RFX1: variants seen among roughly 807,000 people sequenced by gnomAD.
The protein encoded by RFX1 is MHC class II regulatory factor RFX1.
A neutral mutation model predicts 119.6 loss-of-function variants in RFX1; 42 were observed. The ratio of observed to expected loss-of-function variants is 0.35; its 90% CI spans 0.27 to 0.45. The LOEUF is 0.45. Ranked by LOEUF, RFX1 falls within the 20% of genes least tolerant of loss-of-function variation. The pLI, the probability that RFX1 is intolerant of heterozygous loss-of-function variation, is 1.00. For synonymous variants in RFX1, 628 were observed against 618.5 expected, an observed-to-expected ratio of 1.02 and a Z score of -0.23; for missense variants, 1,118 against 1,368.1, an observed-to-expected ratio of 0.82 and a Z score of 2.88.
chr19:13,991,679 T>G (rs1445274210), intron 2 of RFX1, among the ~76,000 whole-genome samples: 1 of 152,118 alleles, frequency 6.6e-6, no homozygotes, highest in Non-Finnish European at 1.5e-5. Context: ...ACTTTTTTTT[T>G]GAGATGGATT....
In RFX1 at chr19:13,972,997, C is replaced by A. The variant is rs1279035855; in HGVS notation, c.1060G>T (p.Gly354Cys). 1.2e-6 allele frequency: 2 copies of A among 1,600,542 alleles called. No individual in the cohort carries two copies. Among genetic ancestry groups the A allele is most frequent in the African/African-American group, 2.7e-5 (2 of 74,898 alleles). ...PATSQAVASSGSMPMYVSGSQ... is the reference protein window; with the variant it reads ...PATSQAVASSCSMPMYVSGSQ... ...CCGGACACGTACATGGGCATGGAGC[C>A]ACTGCTGGCCACCGCCTGGGAGGTG... The change falls in exon 9 of 21, where the codon GGC becomes TGC. Residue 354 changes from glycine to cysteine, a missense_variant. By Grantham distance (159) the Gly-to-Cys change is radical. Transcript: ENST00000254325.
At chr19:13,996,634 G>C (rs1240795809) in intron 1 of RFX1, among the ~76,000 whole-genome samples, 1 of 151,926 alleles carries the variant, frequency 6.6e-6, no homozygotes, top group Non-Finnish European at 1.5e-5. Context: ...GGTGAGGGGG[G>C]ATTGAACCCA....
Position 13,965,711 on chromosome 19 carries a change from C to T in RFX1, c.2028G>A (p.Val676=), listed in dbSNP as rs1973872688. 2 of 1,613,820 alleles carry T rather than the reference C, an allele frequency of 1.2e-6. No homozygotes were observed. Among genetic ancestry groups the T allele is most frequent in the Non-Finnish European group, 8.5e-7 (1 of 1,180,016 alleles). Residue 676 remains valine (V), a synonymous_variant, in exon 15 of 21, where the codon GTG becomes GTA. Coordinates refer to ENST00000254325, the MANE Select transcript of RFX1 (RefSeq NM_002918.5). The surrounding 1 kb of genome is among the most constrained non-coding windows in gnomAD (Gnocchi z 4.7). ...TGTCACAGTGCTTGGTCCATTGGAG[C>T]ACGGGCTCGAACTTGGAGAGGAGCA... The part of the protein sequence containing the change: ...ILVLLSKFEP[V]LQWTKHCDNV...
rs1251908976 is a variant in RFX1, at chr19:13,961,819, G to A, written c.*876C>T. On this transcript the variant is annotated 3_prime_UTR_variant, in exon 21 of 21. Transcript: ENST00000254325. ...AGAAAACTGGAACAGATAAGGCCAT[G>A]ATGGTTGGAAAAAAACCCAACAAGT... 1 of 152,342 alleles carries A rather than the reference G, an allele frequency of 6.6e-6. No individual in the cohort carries two copies. The highest frequency in any genetic ancestry group is 2.4e-5 in the African/African-American group (1 of 41,440). 9.4% of individuals were successfully genotyped at this position (152,342 alleles called of 1,614,324 possible). A position where few individuals can be genotyped will look rare whatever the true frequency, so the allele number is the denominator to read the frequency against.
chr19:14,006,288 T>A lies in RFX1; in HGVS notation c.-238A>T, dbSNP rs1380501268. On this transcript the variant is annotated 5_prime_UTR_variant, in exon 1 of 21. Coordinates refer to ENST00000254325, the MANE Select transcript of RFX1 (RefSeq NM_002918.5). ...GCTTGGTCGCCACGACTACCGTGGC[T>A]ATGGCGCCTCCGTTTCCCTCACCGG... is the stretch of plus-strand genomic sequence containing the variant. 2 of 151,954 alleles carry A rather than the reference T, an allele frequency of 1.3e-5. No individual in the cohort carries two copies. Among genetic ancestry groups the A allele is most frequent in the Non-Finnish European group, 2.9e-5 (2 of 67,994 alleles). The allele number at this position is 151,954 out of a possible 1,614,324, so 9.4% of individuals were successfully genotyped here.
chr19:13,968,793 G>A lies in RFX1; in HGVS notation c.1598C>T (p.Pro533Leu), dbSNP rs531624120. Residue 533 changes from proline to leucine, a missense_variant, in exon 11 of 21, where the codon CCC becomes CTC. Around this residue, in one of 5 missense-constraint regions of RFX1, gnomAD observed 338 missense variants for 508.9 expected, o/e 0.66. Coordinates refer to ENST00000254325, the MANE Select transcript of RFX1 (RefSeq NM_002918.5). The surrounding 1 kb of genome is among the most constrained non-coding windows in gnomAD (Gnocchi z 5.5). ...TTCCTACCTCTGCTTCTGCGAGAAG[G>A]GCTGGCCCCGCATGGCCATGTGCTG... ...DQQHMAMRGQ[P>L]FSQKQRLKPI... 2 of 1,583,442 alleles carry A rather than the reference G, an allele frequency of 1.3e-6. No individual in the cohort carries two copies. Among genetic ancestry groups the A allele is most frequent in the East Asian group, 2.3e-5 (1 of 43,270 alleles).
chr19:13,974,431 G>C (rs1005669662), intron 8 of RFX1, among the ~76,000 whole-genome samples: 6 of 152,108 alleles, frequency 3.9e-5, no homozygotes, highest in African/African-American at 1.2e-4. Context: ...AAAACCACCA[G>C]GGGTTCAACC....
Position 13,963,587 on chromosome 19 carries a change from C to G in RFX1, c.2521G>C (p.Gly841Arg), listed in dbSNP as rs747142189. 2.5e-6 allele frequency: 4 copies of G among 1,604,776 alleles called. No homozygotes were observed. The highest frequency in any genetic ancestry group is 3.4e-6 in the Non-Finnish European group (4 of 1,179,326). Residue 841 changes from glycine (G) to arginine (R), a missense_variant, in exon 18 of 21, where the codon GGC (glycine) becomes CGC (arginine). Gly to Arg is a moderately radical substitution (Grantham distance 125, BLOSUM62 -2). Transcript: ENST00000254325. ...QVLKPYQGSA[G>R]FPKAAKLFLL... The stretch of plus-strand genomic sequence containing the variant: ...AAGAGCTTGGCGGCCTTGGGGAAGC[C>G]GGCGCTGCCCTGGTAGGGCTTGAGC...
rs767821305 is a variant in RFX1 at position 13,993,653 on chromosome 19, T to C, written c.191A>G (p.Gln64Arg). 1.7e-5 allele frequency: 27 copies of C among 1,584,964 alleles called. No individual in the cohort carries two copies. In the East Asian group the frequency reaches 5.8e-4, roughly 34 times the overall value. The part of the protein sequence containing the change: ...YVTELQSPQP[Q>R]AQPPGGQKQY... ...CTTCTGGCCACCCGGTGGCTGTGCCTGGGGCTGGGGGCTCTGCAGCTCGGT... is the reference window on the plus strand; with the variant it reads ...CTTCTGGCCACCCGGTGGCTGTGCCCGGGGCTGGGGGCTCTGCAGCTCGGT... Residue 64 changes from glutamine (Q) to arginine (R), a missense_variant, in exon 2 of 21, where the codon CAG (glutamine) becomes CGG (arginine). Physicochemically the swap from Gln to Arg is conservative, Grantham distance 43 (BLOSUM62 1). This residue lies in a region of RFX1 where 542 missense variants were observed against 602.7 expected (regional missense o/e 0.90). Transcript: ENST00000254325.
rs1974749926 is a variant in RFX1 at position 13,990,076 on chromosome 19, C to T, written c.319+3449G>A. Among the ~76,000 whole-genome samples the T allele has an allele frequency of 1.3e-5, 2 of 152,036 alleles. No individual in the cohort carries two copies. Among genetic ancestry groups the T allele is most frequent in the Admixed American group, 1.3e-4 (2 of 15,254 alleles). ...AGTCAGGAGGGGCTGGATGTGGGGT[C>T]CTGCGGTTCAGGGTTGCAGCCCAGG... On this transcript the variant is annotated intron_variant, in intron 2 of 20. Coordinates refer to ENST00000254325, the MANE Select transcript of RFX1 (RefSeq NM_002918.5). The surrounding 1 kb of genome is among the most constrained non-coding windows in gnomAD (Gnocchi z 4.1).
At chr19:13,981,968 G>C (rs1002941466) in intron 5 of RFX1, among the ~76,000 whole-genome samples, 153 bp downstream of exon 5, 2 of 152,244 alleles carry the variant, frequency 1.3e-5, no homozygotes, top group African/African-American at 4.8e-5. Flanking sequence ...GGGTCAACAA[G>C]GGCGTTGCAC....
intron 2 of RFX1, among the ~76,000 whole-genome samples, chr19:13,984,158 C>CA (rs1301108416): frequency 1.3e-5 from 2 of 150,496 alleles, no homozygotes; most frequent in Non-Finnish European, 2.9e-5. Flanking sequence ...GGCAGGTACT[C>CA]ACGCTGACAG....
In RFX1 at chr19:13,986,615, C is replaced by T. The variant is rs1043298150; in HGVS notation, c.320-3020G>A. Among the ~76,000 whole-genome samples the T allele has an allele frequency of 2.0e-5, 3 of 152,172 alleles. No homozygotes were observed. Among genetic ancestry groups the T allele is most frequent in the Non-Finnish European group, 2.9e-5 (2 of 68,000 alleles). ...CGAGCGAGCGTCTGCATCTATCTGC[C>T]GGAGATCGCCACTCTGGGCATGCGC... On this transcript the variant is annotated intron_variant, in intron 2 of 20. Transcript: ENST00000254325. This position sits in a 1 kb window ranked among gnomAD's most constrained non-coding sequence, Gnocchi z 4.2.
intron 2 of RFX1, among the ~76,000 whole-genome samples, chr19:13,993,100 C>T (rs1974860011): frequency 6.6e-6 from 1 of 152,036 alleles, no homozygotes; most frequent in African/African-American, 2.4e-5. Flanking sequence ...TTGAGACCTG[C>T]CTGAGCAACA....
chr19:13,962,292 G>A lies in RFX1; in HGVS notation c.*403C>T, dbSNP rs1973709168. On this transcript the variant is annotated 3_prime_UTR_variant, in exon 21 of 21. Coordinates refer to ENST00000254325, the MANE Select transcript of RFX1 (RefSeq NM_002918.5). ...GCCCGGGGCTCAGGGCTGGGCCCAG[G>A]ACAGGCTGTGCAAAGCCAGCGAGCT... The A allele has an allele frequency of 4.7e-6, 1 of 212,934 alleles. No homozygotes were observed. The highest frequency in any genetic ancestry group is 9.4e-6 in the Non-Finnish European group (1 of 106,202). 13.2% of individuals were successfully genotyped at this position (212,934 alleles called of 1,614,324 possible).
chr19:13,975,089 C>T (rs946292216), intron 8 of RFX1, among the ~76,000 whole-genome samples: 10 of 131,726 alleles, frequency 7.6e-5, no homozygotes, highest in Admixed American at 3.1e-4. Flanking sequence ...GGCACGGTGG[C>T]TCACACCTGT....
intron 1 of RFX1, among the ~76,000 whole-genome samples, chr19:13,999,572 C>T (rs918498059): frequency 7.9e-5 from 12 of 152,100 alleles, no homozygotes; most frequent in East Asian, 1.9e-4. Context: ...AATATAATTC[C>T]GGTGTTGATA....
At position 13,965,530 on chromosome 19, in the gene RFX1, C is replaced by T; in HGVS notation, c.2130G>A (p.Ala710=). The T allele has an allele frequency of 3.1e-6, 5 of 1,613,532 alleles. No homozygotes were observed. Among genetic ancestry groups the T allele is most frequent in the Non-Finnish European group, 3.4e-6 (4 of 1,179,928 alleles). ...LRPIPSALTQ[A]IRNFAKSLES... ...CCAGGCTCTTGGCAAAGTTCCGGAT[C>T]GCTTGGGTCAAGGCACCTGTGGGCG... is the stretch of plus-strand genomic sequence containing the variant. The change falls in exon 16 of 21, where the codon GCG becomes GCA. Residue 710 remains alanine, a synonymous_variant. Coordinates refer to ENST00000254325, the MANE Select transcript of RFX1 (RefSeq NM_002918.5). The surrounding 1 kb of genome is among the most constrained non-coding windows in gnomAD (Gnocchi z 4.7).
chr19:13,977,022 T>C (rs978516696), intron 8 of RFX1, among the ~76,000 whole-genome samples: 2 of 148,256 alleles, frequency 1.3e-5, no homozygotes, highest in African/African-American at 5.0e-5. Flanking sequence ...AAAAGTCCAG[T>C]GCGGTGGCTC....
Sources: gnomAD v4.1 joint callset for allele counts (sites outside exome capture counted in the v4.1 genomes callset) on GRCh38, gnomAD v4.1.1 for gene constraint, gnomAD v4.1.1 regional missense constraint, Gnocchi (gnomAD v3.1) non-coding constraint, MANE v1.5 for transcripts, NCBI Gene and HGNC (gene_info 2026-07-23, HGNC 2026-07-21) for gene names.